The following ARVCF variants were observed in gnomAD, a reference collection of about 807,000 sequenced individuals.
The protein encoded by ARVCF is splicing regulator ARVCF.
ARVCF carries 66 observed loss-of-function variants against 90.9 expected under a neutral mutation model. The ratio of observed to expected loss-of-function variants is 0.73; its 90% CI spans 0.60 to 0.89. ARVCF has a LOEUF of 0.89. Ranked by LOEUF, ARVCF falls within the 40% of genes least tolerant of loss-of-function variation. ARVCF has a pLI of 0.00. For synonymous variants in ARVCF, 653 were observed against 603.4 expected (o/e 1.08, Z -1.21); for missense variants, 1,469 against 1,382.3 (o/e 1.06, Z -1.00).
At chr22:20,016,225 C>A (rs1364062765) in intron 1 of ARVCF, among the ~76,000 whole-genome samples, 5 of 152,218 alleles carry the variant, frequency 3.3e-5, no homozygotes, top group African/African-American at 4.8e-5. Context: ...AGGGCCCTGG[C>A]AGCTAGGCGC....
At position 19,978,184 on chromosome 22, in the gene ARVCF, C is replaced by T. The variant is rs921393398; in HGVS notation, c.1581-109G>A. On this transcript the variant is annotated intron_variant, in intron 7 of 19. Coordinates refer to ENST00000263207, the MANE Select transcript of ARVCF (RefSeq NM_001670.3). ...CTGCAAAATAGGCCCTGCTGCTGCC[C>T]TCCTAGCACTAATGGGAAAGGACCC... 8 of 934,418 alleles carry T rather than the reference C, an allele frequency of 8.6e-6. No homozygotes were observed. In the Admixed American group the frequency reaches 2.2e-4, roughly 26 times the overall value. The allele number at this position is 934,418 out of a possible 1,614,324, so 57.9% of individuals were successfully genotyped here.
At chr22:19,991,601 G>A (rs765783111) in intron 2 of ARVCF, among the ~76,000 whole-genome samples, 1 of 152,236 alleles carries the variant, frequency 6.6e-6, no homozygotes, top group Non-Finnish European at 1.5e-5. Context: ...AGCACAGGGT[G>A]GGATTGGGCC....
chr22:19,967,694 A>C (rs1942494803), downstream of ARVCF: 1 of 265,770 alleles, frequency 3.8e-6, no homozygotes, highest in Non-Finnish European at 7.4e-6. Flanking sequence ...TAGATGTTTG[A>C]GATTGCTTGT....
rs148773752 is a variant in ARVCF, at chr22:19,994,151, G to A, written c.-18-3339C>T. 2.3e-3 allele frequency among the ~76,000 whole-genome samples: 354 copies of A among 152,266 alleles called. 1 individual carries two copies. Among genetic ancestry groups the A allele is most frequent in the Non-Finnish European group, 3.1e-3 (210 of 68,026 alleles). On this transcript the variant is annotated intron_variant, in intron 2 of 19. Coordinates refer to ENST00000263207, the MANE Select transcript of ARVCF (RefSeq NM_001670.3). ...TGAATGGAGGGTGGCTGGGGCAGTGGTGGAGGATGGACAGAGGGACGGACA... is the reference window on the plus strand; with the variant it reads ...TGAATGGAGGGTGGCTGGGGCAGTGATGGAGGATGGACAGAGGGACGGACA...
chr22:20,006,693 G>A (rs964225281), intron 2 of ARVCF, among the ~76,000 whole-genome samples: 13 of 150,198 alleles, frequency 8.7e-5, no homozygotes, highest in Non-Finnish European at 1.3e-4. Context: ...GTGCAGTGGC[G>A]CGATCTCGGC....
At chr22:19,988,795 T>C (rs1287383746) in intron 3 of ARVCF, among the ~76,000 whole-genome samples, 2 of 151,090 alleles carry the variant, frequency 1.3e-5, no homozygotes, top group Admixed American at 1.3e-4. Flanking sequence ...CCCAGCCAGT[T>C]GAGCTGCAGC....
At chr22:20,011,898 C>T (rs923792379) in intron 1 of ARVCF, among the ~76,000 whole-genome samples, 13 of 152,120 alleles carry the variant, frequency 8.5e-5, no homozygotes, top group East Asian at 7.7e-4. Context: ...GCCTCTCCCC[C>T]GGAGTCACCA....
chr22:20,013,464 C>T (rs1944910104), intron 1 of ARVCF, among the ~76,000 whole-genome samples: 1 of 152,242 alleles, frequency 6.6e-6, no homozygotes, highest in African/African-American at 2.4e-5. Context: ...TCCTTTCCAA[C>T]TCCACGCCCT....
chr22:19,975,875 C>G, intron 10 of ARVCF, 118 bp from the exon 11 acceptor site: 4 of 1,017,318 alleles, frequency 3.9e-6, no homozygotes, highest in Non-Finnish European at 4.5e-6. Context: ...ATGTCCAGGC[C>G]TGGGCACCTG....
Position 19,972,368 on chromosome 22 carries a change from C to T in ARVCF, c.2685G>A (p.Ala895=), listed in dbSNP as rs753326944. ...TGSRDVIPMD[A]LGPDGYSTVD... is the part of the protein sequence containing the mutation. ...TGCATCTGCACTCACCTGGGCCCAGCGCATCCATGGGGATCACATCCCGGC... is the reference window on the plus strand; with the variant it reads ...TGCATCTGCACTCACCTGGGCCCAGTGCATCCATGGGGATCACATCCCGGC... The change falls in exon 17 of 20, where the codon GCG becomes GCA. Residue 895 remains alanine (A), a synonymous_variant. Coordinates refer to ENST00000263207, the MANE Select transcript of ARVCF (RefSeq NM_001670.3). 1.2e-5 allele frequency: 20 copies of T among 1,613,740 alleles called. No homozygotes were observed. The highest frequency in any genetic ancestry group is 1.7e-4 in the Middle Eastern group (1 of 6,060).
intron 6 of ARVCF, chr22:19,979,384 G>T: frequency 1.9e-6 from 1 of 514,636 alleles, no homozygotes; most frequent in Non-Finnish European, 3.5e-6. Flanking sequence ...GAGACACGGT[G>T]ACCCTACCTG....
At chr22:20,004,495 AAG>A (rs1944550684) in intron 2 of ARVCF, among the ~76,000 whole-genome samples, 1 of 152,142 alleles carries the variant, frequency 6.6e-6, no homozygotes, top group South Asian at 2.1e-4. Flanking sequence ...AAAAAAAAAA[AAG>A]AAAAGAAAAA....
chr22:20,009,823 G>A (rs888125913), intron 2 of ARVCF, among the ~76,000 whole-genome samples: 1 of 152,214 alleles, frequency 6.6e-6, no homozygotes, highest in African/African-American at 2.4e-5. Flanking sequence ...TAACACCTGA[G>A]GCCACGGGCC....
Position 19,970,746 on chromosome 22 carries a change from G to C in ARVCF, c.*13-3C>G, listed in dbSNP as rs1210726624. 3.1e-6 allele frequency: 4 copies of C among 1,290,952 alleles called. No individual in the cohort carries two copies. The highest frequency in any genetic ancestry group is 4.0e-6 in the Non-Finnish European group (4 of 989,726). The allele number at this position is 1,290,952 out of a possible 1,614,324, so 80.0% of individuals were successfully genotyped here. A position where few individuals can be genotyped will look rare whatever the true frequency, so the allele number is the denominator to read the frequency against. On this transcript the variant is annotated splice_region_variant and splice_polypyrimidine_tract_variant and intron_variant, in intron 19 of 19. Transcript: ENST00000263207. ...GAACAAGAGGCTGGGCCTGGGCCCT[G>C]CAGAGGGAAAGGGGATGGTGGACGC...
At chr22:19,971,501 G>A (rs948434907) in intron 18 of ARVCF, among the ~76,000 whole-genome samples, 166 bp from the exon 19 acceptor site, 2 of 152,200 alleles carry the variant, frequency 1.3e-5, no homozygotes, top group African/African-American at 4.8e-5. Context: ...TGGCTCACAC[G>A]GGCCCAGGGC....
downstream of ARVCF, chr22:19,967,753 G>C (rs1233324959): frequency 3.8e-6 from 1 of 263,194 alleles, no homozygotes; most frequent in Admixed American, 5.2e-5. Flanking sequence ...AGGTGACTGG[G>C]GTGTCCCTTG....
intron 2 of ARVCF, among the ~76,000 whole-genome samples, chr22:19,994,276 G>T (rs115402583): frequency 0.011 from 1,726 of 150,504 alleles, 41 homozygotes; most frequent in African/African-American, 0.04. Flanking sequence ...AATGGGTCGG[G>T]GGGATGCTGA....
intron 17 of ARVCF, among the ~76,000 whole-genome samples, 184 bp from the exon 18 acceptor site, chr22:19,972,155 G>T (rs1942845738): frequency 6.6e-6 from 1 of 152,100 alleles, no homozygotes; most frequent in African/African-American, 2.4e-5. Context: ...CAACTCTCCA[G>T]ACTCCCCTCC....
At chr22:20,000,438 C>G (rs1458984098) in intron 2 of ARVCF, among the ~76,000 whole-genome samples, 1 of 152,260 alleles carries the variant, frequency 6.6e-6, no homozygotes, top group Non-Finnish European at 1.5e-5. Context: ...CACAGAGGGC[C>G]AGGCAGGGGG....
Sources: allele counts gnomAD v4.1 joint callset (sites outside exome capture counted in the v4.1 genomes callset), GRCh38; gene constraint gnomAD v4.1.1; transcripts MANE v1.5; gene names NCBI Gene and HGNC (gene_info 2026-07-23, HGNC 2026-07-21).